PCDHGB4: variants seen among roughly 807,000 people sequenced by gnomAD.
PCDHGB4 encodes the protein protocadherin gamma-B4.
In PCDHGB4, 38 loss-of-function variants were observed where a neutral mutation model predicts 60.5. The observed-to-expected ratio is 0.63, with a 90% CI of 0.48 to 0.82. The LOEUF (loss-of-function observed/expected upper bound fraction) is 0.82, where lower values mean the gene tolerates loss of function less well. Among genes scored for constraint, PCDHGB4 ranks in the 40% least tolerant of loss-of-function variants. The pLI is 0.00. For missense variants in PCDHGB4, 1,109 were observed against 1,209.6 expected (o/e 0.92, Z 1.23); for synonymous variants, 456 against 509.7 (o/e 0.89, Z 1.42).
At position 141,390,158 on chromosome 5, in the gene PCDHGB4, A is replaced by G; in HGVS notation, c.2274A>G (p.Gly758=). 1 of 1,614,042 alleles carries G rather than the reference A, an allele frequency of 6.2e-7. No homozygotes were observed. The highest frequency in any genetic ancestry group is 8.5e-7 in the Non-Finnish European group (1 of 1,179,904). Residue 758 remains glycine, a synonymous_variant, in exon 1 of 4, where the codon GGA becomes GGG. Coordinates refer to ENST00000519479, the MANE Select transcript of PCDHGB4 (RefSeq NM_003736.4). The stretch of plus-strand genomic sequence containing the variant: ...ACAATCTATGTGTTGCACATACAGG[A>G]AAGACGGAGTTTAATTTCCTAAAAT... The part of the protein sequence containing the change: ...YSYNLCVAHT[G]KTEFNFLKCS...
At chr5:141,510,296 G>A (rs999749575) in intron 3 of PCDHGB4, among the ~76,000 whole-genome samples, 6 of 149,608 alleles carry the variant, frequency 4.0e-5, no homozygotes, top group African/African-American at 1.5e-4. Flanking sequence ...AAAAAATGCT[G>A]TTTTGAAATG....
intron 1 of PCDHGB4, among the ~76,000 whole-genome samples, chr5:141,442,879 A>T (rs1399128822): frequency 6.6e-6 from 1 of 152,256 alleles, no homozygotes; most frequent in Non-Finnish European, 1.5e-5. Flanking sequence ...TTTACAACTC[A>T]GAATCCCTGC....
Position 141,489,623 on chromosome 5 carries a change from A to T in PCDHGB4, c.2398-5184A>T, listed in dbSNP as rs924162827. On this transcript the variant is annotated intron_variant, in intron 1 of 3. Coordinates refer to ENST00000519479, the MANE Select transcript of PCDHGB4 (RefSeq NM_003736.4). This position sits in a 1 kb window ranked among gnomAD's most constrained non-coding sequence, Gnocchi z 4.5. ...GAGGTAGAGATCCTGGATCTCAATG[A>T]CAACTCTCCTAGCTTTGCCACCCCT... is the stretch of plus-strand genomic sequence containing the variant. The T allele has an allele frequency of 6.2e-7, 1 of 1,614,102 alleles. No homozygotes were observed. Among genetic ancestry groups the T allele is most frequent in the Non-Finnish European group, 8.5e-7 (1 of 1,179,996 alleles).
intron 1 of PCDHGB4, chr5:141,399,214 G>A: frequency 6.2e-7 from 1 of 1,613,956 alleles, no homozygotes; most frequent in African/African-American, 1.3e-5. Context: ...AACACTAATT[G>A]CTTTGATCAA....
intron 1 of PCDHGB4, chr5:141,433,331 C>G: frequency 1.4e-6 from 1 of 699,624 alleles, no homozygotes; most frequent in South Asian, 1.9e-5. Context: ...GTAACAGGGA[C>G]TACAGGTGCA....
intron 1 of PCDHGB4, among the ~76,000 whole-genome samples, chr5:141,468,281 C>T (rs568875291): frequency 6.8e-6 from 1 of 147,354 alleles, no homozygotes; most frequent in African/African-American, 2.5e-5. Flanking sequence ...GCCGAGACCA[C>T]GCCATTGCAC....
intron 1 of PCDHGB4, among the ~76,000 whole-genome samples, chr5:141,443,594 T>C (rs1040469046): frequency 1.3e-5 from 2 of 152,234 alleles, no homozygotes; most frequent in Non-Finnish European, 2.9e-5. Flanking sequence ...CAGAATGTGG[T>C]ATATGAAATG....
chr5:141,480,241 A>C (rs895691864), intron 1 of PCDHGB4, among the ~76,000 whole-genome samples: 58 of 97,306 alleles, frequency 6.0e-4, no homozygotes, highest in African/African-American at 2.2e-3. Context: ...CTGTCTCTAC[A>C]AAAAAAAAAA....
At chr5:141,495,007 G>A in intron 2 of PCDHGB4, 142 bp downstream of exon 2, 4 of 1,522,158 alleles carry the variant, frequency 2.6e-6, no homozygotes, top group Non-Finnish European at 3.5e-6. Context: ...TTGGTGTGCG[G>A]GGGGCTGGCA....
intron 1 of PCDHGB4, chr5:141,433,284 C>T: frequency 8.5e-7 from 1 of 1,176,236 alleles, no homozygotes; most frequent in Non-Finnish European, 1.2e-6. Flanking sequence ...GCCTCAAACT[C>T]CTAGGCTCAA....
In PCDHGB4 at chr5:141,387,851, C is replaced by T; in HGVS notation, c.-34C>T. The T allele has an allele frequency of 3.1e-6, 5 of 1,596,536 alleles. No homozygotes were observed. Among genetic ancestry groups the T allele is most frequent in the Non-Finnish European group, 4.3e-6 (5 of 1,171,902 alleles). On this transcript the variant is annotated 5_prime_UTR_variant, in exon 1 of 4. Transcript: ENST00000519479. ...GAGGTTATTTGTAACCCGGCGTCTC[C>T]AGGCTGGTGAGCAAGCTGAGGAGAG...
chr5:141,499,582 T>C (rs952280239), intron 2 of PCDHGB4, among the ~76,000 whole-genome samples: 7 of 152,164 alleles, frequency 4.6e-5, no homozygotes, highest in African/African-American at 7.2e-5. Flanking sequence ...TAATGCCTTA[T>C]CTTGTTTCAC....
chr5:141,423,680 C>T (rs2096766182), intron 1 of PCDHGB4: 1 of 1,479,088 alleles, frequency 6.8e-7, no homozygotes, highest in African/African-American at 1.5e-5. Context: ...ATTTCTCTGC[C>T]TCCTAATTGT....
intron 1 of PCDHGB4, chr5:141,395,360 GT>G: frequency 1.5e-6 from 2 of 1,290,436 alleles, no homozygotes; most frequent in Non-Finnish European, 2.1e-6. Context: ...AGAGTTTTGG[GT>G]TTATTTTGGT....
intron 1 of PCDHGB4, among the ~76,000 whole-genome samples, chr5:141,473,736 G>A (rs1278322296): frequency 1.3e-5 from 2 of 152,202 alleles, no homozygotes; most frequent in Non-Finnish European, 2.9e-5. Flanking sequence ...AGAGGGAGAA[G>A]ACATGAGAAC....
chr5:141,398,568 G>C, intron 1 of PCDHGB4: 1 of 1,614,014 alleles, frequency 6.2e-7, no homozygotes, highest in African/African-American at 1.3e-5. Context: ...AGTCTGCACA[G>C]CCTGGCACAA....
At chr5:141,409,639 G>T (rs948112966) in intron 1 of PCDHGB4, 2 of 1,613,760 alleles carry the variant, frequency 1.2e-6, no homozygotes, top group African/African-American at 1.3e-5. Flanking sequence ...CCTCTGACCC[G>T]GATTTGGGGC....
chr5:141,505,704 G>A (rs770933428), intron 3 of PCDHGB4, among the ~76,000 whole-genome samples: 1 of 152,184 alleles, frequency 6.6e-6, no homozygotes, highest in Non-Finnish European at 1.5e-5. Context: ...GAGCGAACAA[G>A]GAAAAGACTC....
chr5:141,388,861 T>C lies in PCDHGB4; in HGVS notation c.977T>C (p.Ile326Thr), dbSNP rs1487226750. 7 of 1,613,872 alleles carry C rather than the reference T, an allele frequency of 4.3e-6. No homozygotes were observed. The East Asian group carries it at 1.1e-4, about 26-fold the overall frequency. The change falls in exon 1 of 4, where the codon ATT (isoleucine) becomes ACT (threonine). Residue 326 changes from isoleucine (I) to threonine (T), a missense_variant. By Grantham distance (89) the Ile-to-Thr change is moderately conservative. Transcript: ENST00000519479. Reference protein sequence around the residue: ...VLEARDGGGMIAQCTVEVEVI... With the variant: ...VLEARDGGGMTAQCTVEVEVI... ...GAAGCAAGGGACGGTGGAGGAATGATTGCGCAATGCACAGTGGAGGTAGAA... is the reference window on the plus strand; with the variant it reads ...GAAGCAAGGGACGGTGGAGGAATGACTGCGCAATGCACAGTGGAGGTAGAA...
Sources: gnomAD v4.1 joint callset for allele counts (sites outside exome capture counted in the v4.1 genomes callset) on GRCh38, gnomAD v4.1.1 for gene constraint, Gnocchi (gnomAD v3.1) non-coding constraint, MANE v1.5 for transcripts, NCBI Gene and HGNC (gene_info 2026-07-23, HGNC 2026-07-21) for gene names.